Variants in ADAMTS3 observed in about 807,000 individuals in gnomAD.
ADAMTS3 encodes A disintegrin and metalloproteinase with thrombospondin motifs 3.
ADAMTS3 carries 73 observed loss-of-function variants against 129.0 expected under a neutral mutation model. The ratio of observed to expected loss-of-function variants is 0.57; its 90% confidence interval spans 0.47 to 0.69. The LOEUF is 0.69. Among genes scored for constraint, ADAMTS3 ranks in the 30% least tolerant of loss-of-function variants. The pLI, the probability that ADAMTS3 is intolerant of heterozygous loss-of-function variation, is 0.00. For synonymous variants in ADAMTS3, 477 were observed against 510.8 expected, an observed-to-expected ratio of 0.93 and a Z score of 0.89; for missense variants, 1,457 against 1,514.5, an observed-to-expected ratio of 0.96 and a Z score of 0.63.
intron 4 of ADAMTS3, among the ~76,000 whole-genome samples, chr4:72,408,719 T>C (rs948420034): frequency 6.9e-6 from 1 of 144,884 alleles, no homozygotes; most frequent in African/African-American, 2.5e-5. Context: ...AAAAAAGAAG[T>C]ACAGGCTTTA....
chr4:72,361,315 T>G (rs1382120634), intron 4 of ADAMTS3, among the ~76,000 whole-genome samples: 3 of 152,142 alleles, frequency 2.0e-5, no homozygotes, highest in Non-Finnish European at 4.4e-5. Flanking sequence ...TTACAAATTA[T>G]TTTTATATAA....
At chr4:72,435,948 G>A (rs535845914) in intron 3 of ADAMTS3, among the ~76,000 whole-genome samples, 1 of 152,154 alleles carries the variant, frequency 6.6e-6, no homozygotes, top group Non-Finnish European at 1.5e-5. Context: ...CATGGGCAAG[G>A]AATTCATGAC....
At chr4:72,343,057 T>C (rs986759228) in intron 4 of ADAMTS3, among the ~76,000 whole-genome samples, 1 of 152,158 alleles carries the variant, frequency 6.6e-6, no homozygotes, top group African/African-American at 2.4e-5. Context: ...GTACACTGGA[T>C]TTTATGGACA....
intron 2 of ADAMTS3, among the ~76,000 whole-genome samples, chr4:72,559,147 T>C (rs567150397): frequency 1.3e-5 from 2 of 151,870 alleles, no homozygotes; most frequent in African/African-American, 2.4e-5. Flanking sequence ...TCATTTGAAC[T>C]CTAGATCCAA....
intron 4 of ADAMTS3, among the ~76,000 whole-genome samples, chr4:72,381,803 A>T (rs1434139595): frequency 6.6e-6 from 1 of 152,160 alleles, no homozygotes; most frequent in African/African-American, 2.4e-5. Context: ...TCTACACACC[A>T]CTTTCTGAGT....
chr4:72,309,335 G>T, intron 15 of ADAMTS3, 62 bp downstream of exon 15: 1 of 1,545,000 alleles, frequency 6.5e-7, no homozygotes. Context: ...TCTAAAGGAA[G>T]AAGCCTCAAA....
At chr4:72,450,969 AAGAAGAGAAG>A (rs67162859) in intron 3 of ADAMTS3, among the ~76,000 whole-genome samples, 2,062 of 140,126 alleles carry the variant, frequency 0.015, 25 homozygotes, top group African/African-American at 0.031. Context: ...GGCAGGCAAA[AAGAAGAGAAG>A]AGAAGAGAAG....
At chr4:72,540,863 G>T (rs1028213909) in intron 3 of ADAMTS3, among the ~76,000 whole-genome samples, 2 of 152,236 alleles carry the variant, frequency 1.3e-5, no homozygotes, top group African/African-American at 4.8e-5. Flanking sequence ...ATGCCTGGAT[G>T]TCCAGGCAGA....
chr4:72,553,175 A>G (rs1329084679), intron 2 of ADAMTS3, among the ~76,000 whole-genome samples: 1 of 152,152 alleles, frequency 6.6e-6, no homozygotes, highest in Non-Finnish European at 1.5e-5. Flanking sequence ...TGTACAAGTC[A>G]TCTACCTCTA....
chr4:72,525,524 C>T (rs963974256), intron 3 of ADAMTS3, among the ~76,000 whole-genome samples: 23 of 152,208 alleles, frequency 1.5e-4, no homozygotes, highest in Admixed American at 9.8e-4. Context: ...TTTAGGAATA[C>T]ATGTGCTCAC....
intron 4 of ADAMTS3, among the ~76,000 whole-genome samples, chr4:72,363,723 C>T (rs1251812721): frequency 6.6e-6 from 1 of 151,346 alleles, no homozygotes; most frequent in Admixed American, 6.6e-5. Context: ...AATAGAAGGC[C>T]TCATACCAAA....
intron 2 of ADAMTS3, among the ~76,000 whole-genome samples, chr4:72,566,703 TA>T (rs1722027901): frequency 6.6e-6 from 1 of 152,248 alleles, no homozygotes; most frequent in South Asian, 2.1e-4. Context: ...TACATTATTC[TA>T]AACAGCTTCA....
intron 3 of ADAMTS3, among the ~76,000 whole-genome samples, chr4:72,475,476 A>G (rs1168398500): frequency 6.6e-6 from 1 of 152,076 alleles, no homozygotes; most frequent in East Asian, 1.9e-4. Flanking sequence ...TCTTAAATAC[A>G]TATGCACCAG....
At chr4:72,296,006 GC>G (rs1718797207) in intron 18 of ADAMTS3, among the ~76,000 whole-genome samples, 1 of 151,996 alleles carries the variant, frequency 6.6e-6, no homozygotes, top group Non-Finnish European at 1.5e-5. Context: ...TATTGCAACT[GC>G]ATGCATGTTA....
chr4:72,416,579 A>C (rs1189811976), intron 3 of ADAMTS3, among the ~76,000 whole-genome samples: 1 of 152,152 alleles, frequency 6.6e-6, no homozygotes, highest in Non-Finnish European at 1.5e-5. Context: ...TACTCCAATA[A>C]TTGGAGTTTC....
intron 5 of ADAMTS3, among the ~76,000 whole-genome samples, chr4:72,331,162 C>T (rs146551421): frequency 6.6e-4 from 101 of 152,204 alleles, no homozygotes; most frequent in African/African-American, 2.0e-3. Flanking sequence ...TGTTGTGTTA[C>T]GTTAAGGTAA....
At chr4:72,528,987 C>T (rs1184590421) in intron 3 of ADAMTS3, among the ~76,000 whole-genome samples, 1 of 152,016 alleles carries the variant, frequency 6.6e-6, no homozygotes, top group South Asian at 2.1e-4. Context: ...ATATCAAAAG[C>T]ACCAATATAC....
At chr4:72,531,922 T>C (rs1474937100) in intron 3 of ADAMTS3, among the ~76,000 whole-genome samples, 1 of 152,030 alleles carries the variant, frequency 6.6e-6, no homozygotes, top group African/African-American at 2.4e-5. Context: ...AACACATAGC[T>C]TCCAAGAAAG....
Position 72,336,201 on chromosome 4 carries a change from T to C in ADAMTS3, c.861+3293A>G, listed in dbSNP as rs182302931. 7.9e-5 allele frequency among the ~76,000 whole-genome samples: 12 copies of C among 152,310 alleles called. No homozygotes were observed. In the South Asian group the frequency reaches 8.3e-4, roughly 11 times the overall value. On this transcript the variant is annotated intron_variant, in intron 5 of 21. Coordinates refer to ENST00000286657, the MANE Select transcript of ADAMTS3 (RefSeq NM_014243.3). ...GGACAGCATGATCTTCTCTCTACCATAGGGACACCTTTCACACTAATCAAT... is the reference window on the plus strand; with the variant it reads ...GGACAGCATGATCTTCTCTCTACCACAGGGACACCTTTCACACTAATCAAT...
Sources: allele counts gnomAD v4.1 joint callset (sites outside exome capture counted in the v4.1 genomes callset), GRCh38; gene constraint gnomAD v4.1.1; transcripts MANE v1.5; gene names NCBI Gene and HGNC (gene_info 2026-07-23, HGNC 2026-07-21).